EYS: variants seen among roughly 807,000 people sequenced by gnomAD.
The protein encoded by EYS is protein eyes shut homolog.
Under a neutral mutation model 282.1 loss-of-function variants are expected in EYS, and 250 were observed. The ratio of observed to expected loss-of-function variants is 0.89; its 90% CI spans 0.80 to 0.98. EYS has a LOEUF of 0.98. Ranked by LOEUF, EYS falls within the 50% of genes least tolerant of loss-of-function variation. The pLI, the probability that EYS is intolerant of heterozygous loss-of-function variation, is 0.00. For missense variants in EYS, 4,016 were observed against 3,709.0 expected (o/e 1.08, Z -2.15); for synonymous variants, 1,355 against 1,282.9 (o/e 1.06, Z -1.20).
At chr6:65,388,936 C>T (rs1291005104) in intron 7 of EYS, among the ~76,000 whole-genome samples, 5 of 151,902 alleles carry the variant, frequency 3.3e-5, no homozygotes, top group East Asian at 1.9e-4. Context: ...TCATTCAATC[C>T]GCTCTAAAGA....
At chr6:64,642,840 G>A (rs1283003369) in intron 22 of EYS, among the ~76,000 whole-genome samples, 1 of 152,200 alleles carries the variant, frequency 6.6e-6, no homozygotes, top group Non-Finnish European at 1.5e-5. Flanking sequence ...ACTGGGCCAG[G>A]TGCGGTGGCT....
At chr6:64,352,561 T>C (rs991393108) in intron 29 of EYS, among the ~76,000 whole-genome samples, 4 of 151,566 alleles carry the variant, frequency 2.6e-5, no homozygotes, top group African/African-American at 9.7e-5. Flanking sequence ...TGTATGCCTG[T>C]CTTTTCGTCT....
chr6:65,583,409 A>G (rs770005079), intron 2 of EYS, among the ~76,000 whole-genome samples: 14 of 152,076 alleles, frequency 9.2e-5, no homozygotes, highest in Non-Finnish European at 1.6e-4. Context: ...TATAAGTGGT[A>G]GAAGTTTTCT....
chr6:64,016,802 G>C (rs1368988969), intron 33 of EYS, among the ~76,000 whole-genome samples: 2 of 152,074 alleles, frequency 1.3e-5, no homozygotes, highest in African/African-American at 4.8e-5. Context: ...TGAGGGTATT[G>C]TACATTTCTT....
At chr6:63,795,906 G>A (rs1448075610) in intron 37 of EYS, among the ~76,000 whole-genome samples, 1 of 151,966 alleles carries the variant, frequency 6.6e-6, no homozygotes, top group Non-Finnish European at 1.5e-5. Context: ...AACCCTGAGT[G>A]CCTTATGGTA....
At chr6:65,015,737 C>T (rs1340119268) in intron 13 of EYS, among the ~76,000 whole-genome samples, 1 of 151,480 alleles carries the variant, frequency 6.6e-6, no homozygotes, top group Non-Finnish European at 1.5e-5. Flanking sequence ...TGCTGAGGTT[C>T]CCACTGAAAT....
chr6:65,458,290 T>A (rs1396836045), intron 5 of EYS, among the ~76,000 whole-genome samples: 1 of 152,124 alleles, frequency 6.6e-6, no homozygotes, highest in Non-Finnish European at 1.5e-5. Flanking sequence ...ACATCTTCCA[T>A]CATAATTTCT....
chr6:64,499,379 G>A (rs2150510899), intron 26 of EYS, among the ~76,000 whole-genome samples: 1 of 152,178 alleles, frequency 6.6e-6, no homozygotes. Flanking sequence ...ACTAGAAACT[G>A]CTAATCAGCT....
intron 22 of EYS, among the ~76,000 whole-genome samples, chr6:64,728,398 A>G (rs1444284678): frequency 6.6e-6 from 1 of 152,100 alleles, no homozygotes; most frequent in Non-Finnish European, 1.5e-5. Flanking sequence ...GCAGTGGCAC[A>G]ATCTCGGCTC....
chr6:64,761,862 A>T (rs764143074), intron 22 of EYS, among the ~76,000 whole-genome samples: 66 of 152,212 alleles, frequency 4.3e-4, no homozygotes, highest in Non-Finnish European at 9.0e-4. Context: ...GTATAATATG[A>T]TTTATAGATA....
At chr6:65,375,813 A>C (rs1049927124) in intron 8 of EYS, among the ~76,000 whole-genome samples, 1 of 152,068 alleles carries the variant, frequency 6.6e-6, no homozygotes. Context: ...ATAAAGCGTG[A>C]AGACAAGATT....
At chr6:65,290,679 C>G (rs1768500336) in intron 12 of EYS, among the ~76,000 whole-genome samples, 1 of 151,340 alleles carries the variant, frequency 6.6e-6, no homozygotes, top group East Asian at 1.9e-4. Flanking sequence ...AGGCCATAAA[C>G]AAAACTTCTA....
At chr6:65,649,092 C>T (rs376724662) in intron 1 of EYS, among the ~76,000 whole-genome samples, 7 of 140,046 alleles carry the variant, frequency 5.0e-5, no homozygotes, top group South Asian at 4.7e-4. Flanking sequence ...GAGCTGAGAT[C>T]GCGCCACTGC....
At chr6:64,894,809 C>T (rs2150067707) in intron 18 of EYS, among the ~76,000 whole-genome samples, 1 of 152,192 alleles carries the variant, frequency 6.6e-6, no homozygotes, top group East Asian at 1.9e-4. Context: ...ACTGATCCAC[C>T]AGTAGAAATA....
At chr6:65,623,535 A>G (rs1386118835) in intron 2 of EYS, among the ~76,000 whole-genome samples, 1 of 152,136 alleles carries the variant, frequency 6.6e-6, no homozygotes, top group Non-Finnish European at 1.5e-5. Context: ...TTACACTTAC[A>G]AATTTTTAGT....
chr6:64,546,132 G>A (rs1047496820), intron 26 of EYS, among the ~76,000 whole-genome samples: 4 of 151,924 alleles, frequency 2.6e-5, no homozygotes, highest in Non-Finnish European at 5.9e-5. Context: ...TACTACAAGG[G>A]TACAGTAACC....
intron 12 of EYS, among the ~76,000 whole-genome samples, chr6:65,124,275 T>C (rs1244784719): frequency 6.6e-6 from 1 of 152,188 alleles, no homozygotes; most frequent in Non-Finnish European, 1.5e-5. Context: ...GAATTTATCA[T>C]TGAGCTTGAT....
At chr6:65,457,288 CTA>C (rs1396493041) in intron 5 of EYS, among the ~76,000 whole-genome samples, 4 of 152,142 alleles carry the variant, frequency 2.6e-5, no homozygotes, top group Non-Finnish European at 5.9e-5. Context: ...TCTCAGACTC[CTA>C]TGTTTCTGTG....
intron 7 of EYS, among the ~76,000 whole-genome samples, chr6:65,396,423 C>T (rs962825082): frequency 6.6e-6 from 1 of 152,072 alleles, no homozygotes; most frequent in Non-Finnish European, 1.5e-5. Flanking sequence ...TTGACCCTAC[C>T]AATCTTCAGT....
Sources: allele counts gnomAD v4.1 joint callset (sites outside exome capture counted in the v4.1 genomes callset), GRCh38; gene constraint gnomAD v4.1.1; transcripts MANE v1.5; gene names NCBI Gene and HGNC (gene_info 2026-07-23, HGNC 2026-07-21).